Variants in RPH3A observed in about 807,000 individuals in gnomAD.
RPH3A encodes the protein rabphilin 3A.
A neutral mutation model predicts 102.2 loss-of-function variants in RPH3A; 48 were observed. The observed-to-expected ratio is 0.47, with a 90% CI of 0.37 to 0.60. The LOEUF is 0.60. RPH3A is among the 20% of genes least tolerant of loss of function. RPH3A has a pLI of 0.00. For missense variants in RPH3A, 781 were observed against 910.1 expected (o/e 0.86, Z 1.83); for synonymous variants, 310 against 324.3 (o/e 0.96, Z 0.47).
At chr12:112,823,254 A>G (rs551936406) in intron 2 of RPH3A, among the ~76,000 whole-genome samples, 1 of 152,374 alleles carries the variant, frequency 6.6e-6, no homozygotes, top group South Asian at 2.1e-4. Context: ...GGGTGTGAAC[A>G]GAGTAGTGAG....
At chr12:112,667,849 C>T (rs2040098763) in intron 1 of RPH3A, among the ~76,000 whole-genome samples, 1 of 152,288 alleles carries the variant, frequency 6.6e-6, no homozygotes. Context: ...ATCTTGACCT[C>T]ATTCTCCTGC....
intron 5 of RPH3A, among the ~76,000 whole-genome samples, chr12:112,857,092 G>T (rs999105029): frequency 6.6e-6 from 1 of 152,116 alleles, no homozygotes; most frequent in Non-Finnish European, 1.5e-5. Flanking sequence ...CCTGTGTATC[G>T]GGAGTCTACG....
chr12:112,629,412 C>G (rs925770856), intron 1 of RPH3A, among the ~76,000 whole-genome samples: 1 of 137,596 alleles, frequency 7.3e-6, no homozygotes, highest in Non-Finnish European at 1.6e-5. Context: ...TTTTTTTTAA[C>G]TACCTTTTGC....
chr12:112,751,153 G>T (rs1437091717), intron 1 of RPH3A, among the ~76,000 whole-genome samples: 2 of 152,192 alleles, frequency 1.3e-5, no homozygotes, highest in Non-Finnish European at 2.9e-5. Flanking sequence ...TGAGTTTTCT[G>T]TTCCTTGTAA....
intron 1 of RPH3A, among the ~76,000 whole-genome samples, chr12:112,614,386 A>G (rs1380745383): frequency 6.6e-6 from 1 of 152,004 alleles, no homozygotes; most frequent in African/African-American, 2.4e-5. Context: ...GTTGATGCAT[A>G]TAAGATCCTT....
At chr12:112,598,942 T>G (rs890182825) in intron 1 of RPH3A, among the ~76,000 whole-genome samples, 1 of 152,222 alleles carries the variant, frequency 6.6e-6, no homozygotes, top group Non-Finnish European at 1.5e-5. Context: ...AATTGCAGAC[T>G]ATGATTTTTT....
chr12:112,765,775 C>T (rs2040884359), intron 1 of RPH3A, among the ~76,000 whole-genome samples: 1 of 152,196 alleles, frequency 6.6e-6, no homozygotes, highest in Non-Finnish European at 1.5e-5. Flanking sequence ...TGGAACCACA[C>T]CTCGCTCATC....
intron 2 of RPH3A, among the ~76,000 whole-genome samples, chr12:112,811,874 G>T (rs2041582452): frequency 6.6e-6 from 1 of 152,014 alleles, no homozygotes; most frequent in African/African-American, 2.4e-5. Context: ...GTAATTGAAG[G>T]GTCCCGCACA....
chr12:112,889,990 CA>C (rs1405372186), intron 17 of RPH3A, 33 bp from the exon 18 acceptor site: 5 of 1,602,854 alleles, frequency 3.1e-6, no homozygotes, highest in Non-Finnish European at 4.3e-6. Flanking sequence ...GCTCCATAGA[CA>C]ATGTTATCTT....
chr12:112,701,853 A>G (rs1565852678), intron 1 of RPH3A, among the ~76,000 whole-genome samples: 1 of 152,258 alleles, frequency 6.6e-6, no homozygotes, highest in Non-Finnish European at 1.5e-5. Context: ...AGAAACTTAC[A>G]GCAGGGCCCA....
At chr12:112,628,035 T>C (rs1279114507) in intron 1 of RPH3A, among the ~76,000 whole-genome samples, 1 of 151,686 alleles carries the variant, frequency 6.6e-6, no homozygotes, top group Non-Finnish European at 1.5e-5. Flanking sequence ...AACCAGATCT[T>C]GCAAGAACTC....
chr12:112,796,567 T>C (rs957552768), intron 2 of RPH3A, among the ~76,000 whole-genome samples: 2 of 152,212 alleles, frequency 1.3e-5, no homozygotes, highest in Admixed American at 1.3e-4. Context: ...GCTCAGTTAG[T>C]ATTGATTATG....
At chr12:112,639,857 T>A (rs1045154828) in intron 1 of RPH3A, among the ~76,000 whole-genome samples, 5 of 152,170 alleles carry the variant, frequency 3.3e-5, no homozygotes, top group African/African-American at 1.2e-4. Context: ...GACATCTACC[T>A]GTTGGTGGGT....
chr12:112,796,735 T>C (rs971426390), intron 2 of RPH3A, among the ~76,000 whole-genome samples: 72 of 152,296 alleles, frequency 4.7e-4, no homozygotes, highest in East Asian at 1.9e-4. Context: ...ATGATGGGCA[T>C]TGGGAATAAA....
chr12:112,845,433 G>T (rs1411419542), intron 4 of RPH3A, among the ~76,000 whole-genome samples: 3 of 152,186 alleles, frequency 2.0e-5, no homozygotes, highest in African/African-American at 7.2e-5. Context: ...AAACCAGCTT[G>T]CTTCTGCAAA....
chr12:112,874,330 A>G (rs2042758355), intron 10 of RPH3A, among the ~76,000 whole-genome samples: 1 of 152,232 alleles, frequency 6.6e-6, no homozygotes, highest in Non-Finnish European at 1.5e-5. Context: ...TGCAGTAACC[A>G]GCCAAGAGAC....
intron 1 of RPH3A, among the ~76,000 whole-genome samples, chr12:112,611,177 C>A (rs1320214856): frequency 6.6e-6 from 1 of 152,172 alleles, no homozygotes. Flanking sequence ...AGATGTCAAG[C>A]ATTCTTTCTT....
chr12:112,896,948 C>G lies in RPH3A; in HGVS notation c.*168C>G. 3.1e-6 allele frequency: 2 copies of G among 642,324 alleles called. No individual in the cohort carries two copies. Among genetic ancestry groups the G allele is most frequent in the Non-Finnish European group, 5.3e-6 (2 of 377,020 alleles). The allele number at this position is 642,324 out of a possible 1,614,324, so 39.8% of individuals were successfully genotyped here. A position where few individuals can be genotyped will look rare whatever the true frequency, so the allele number is the denominator to read the frequency against. On this transcript the variant is annotated 3_prime_UTR_variant, in exon 22 of 22. Transcript: ENST00000389385. The stretch of plus-strand genomic sequence containing the variant: ...ACGTTGGGCACTGCTGCCAAAGACT[C>G]CCTCCTCCCTGATGCTGGGATGTGG...
chr12:112,779,817 G>T (rs1486444826), intron 1 of RPH3A, among the ~76,000 whole-genome samples: 1 of 152,126 alleles, frequency 6.6e-6, no homozygotes, highest in Non-Finnish European at 1.5e-5. Flanking sequence ...TCAGGTTAAG[G>T]TGAGGTCATC....
Sources: allele counts gnomAD v4.1 joint callset (sites outside exome capture counted in the v4.1 genomes callset), GRCh38; gene constraint gnomAD v4.1.1; transcripts MANE v1.5; gene names NCBI Gene and HGNC (gene_info 2026-07-23, HGNC 2026-07-21).